Variants in OPA3 observed in about 807,000 individuals in gnomAD.
The protein encoded by OPA3 is optic atrophy 3 protein.
Under a neutral mutation model 4.0 loss-of-function variants are expected in OPA3, and 6 were observed. That is an observed-to-expected ratio of 1.51 (90% CI 0.83 to 2.99). The LOEUF is 2.99. OPA3 is among the 30% of genes most tolerant of loss of function. The probability of loss-of-function intolerance (pLI) is 0.00; values close to 1 mark genes in which losing one functional copy is unlikely to be tolerated. For missense variants in OPA3, 235 were observed against 256.2 expected, an observed-to-expected ratio of 0.92 and a Z score of 0.56; for synonymous variants, 105 against 117.1, an observed-to-expected ratio of 0.90 and a Z score of 0.67.
chr19:45,540,318 AAAAAAAT>A (rs57589531), intron 1 of OPA3, among the ~76,000 whole-genome samples: 21,462 of 150,030 alleles, frequency 0.14, 1,679 homozygotes, highest in African/African-American at 0.2. Context: ...CTCTGTCTCA[AAAAAAAT>A]AAAAAATAAA....
At chr19:45,530,833 C>T (rs111391770) in intron 1 of OPA3, among the ~76,000 whole-genome samples, 1,933 of 149,636 alleles carry the variant, frequency 0.013, 41 homozygotes, top group African/African-American at 0.046. Context: ...GTGATCTTGG[C>T]TCGCTGCAGC....
At position 45,550,883 on chromosome 19, in the gene OPA3, C is replaced by G; in HGVS notation, c.*2631G>C. 1 of 985,926 alleles carries G rather than the reference C, an allele frequency of 1.0e-6. No individual in the cohort carries two copies. The highest frequency in any genetic ancestry group is 1.2e-6 in the Non-Finnish European group (1 of 830,020). 61.1% of individuals were successfully genotyped at this position (985,926 alleles called of 1,614,324 possible). ...AGTGGCAGATCCTGGAAGAGAAACC[C>G]AGTAGAAAAGGGTGGTTCCTAGACT... On this transcript the variant is annotated 3_prime_UTR_variant, in exon 2 of 2. Transcript: ENST00000263275.
chr19:45,579,624 G>A (rs183607387), intron 1 of OPA3, among the ~76,000 whole-genome samples: 12 of 152,142 alleles, frequency 7.9e-5, no homozygotes, highest in Admixed American at 2.0e-4. Flanking sequence ...TAACATCTAC[G>A]TGACAGCCAT....
downstream of OPA3, among the ~76,000 whole-genome samples, chr19:45,544,593 G>A (rs916343129): frequency 3.3e-5 from 5 of 152,240 alleles, no homozygotes; most frequent in South Asian, 6.2e-4. Flanking sequence ...TCGGGAGTTC[G>A]AGACCAGCCT....
chr19:45,576,719 G>C (rs575142042), intron 1 of OPA3, among the ~76,000 whole-genome samples: 31 of 152,046 alleles, frequency 2.0e-4, no homozygotes, highest in Non-Finnish European at 4.4e-4. Context: ...AAGGCCAGCG[G>C]GGCAGCATCC....
At chr19:45,576,545 C>A (rs55819747) in intron 1 of OPA3, among the ~76,000 whole-genome samples, 23,651 of 145,606 alleles carry the variant, frequency 0.16, 2,330 homozygotes, top group Non-Finnish European at 0.22. Flanking sequence ...TCCCCCCCCC[C>A]CCAAAAAAAA....
rs755841329 is a variant in OPA3 at position 45,553,528 on chromosome 19, C to T, written c.526G>A (p.Ala176Thr). 18 of 1,613,208 alleles carry T rather than the reference C, an allele frequency of 1.1e-5. No homozygotes were observed. The highest frequency in any genetic ancestry group is 5.3e-5 in the African/African-American group (4 of 74,950). Residue 176 changes from alanine (A) to threonine (T), a missense_variant, in exon 2 of 2, where the codon GCG (alanine) becomes ACG (threonine). Transcript: ENST00000263275. ...CCAGCAAGCTCCTATTTCTTGGACGCAGGCACTGCGTGGGAAGCGGACCGG... is the reference window on the plus strand; with the variant it reads ...CCAGCAAGCTCCTATTTCTTGGACGTAGGCACTGCGTGGGAAGCGGACCGG... ...PGRSASHAVP[A>T]SKK
rs1032414263 is a variant in OPA3, at chr19:45,553,042, G to C, written c.*472C>G. 3.6e-5 allele frequency: 37 copies of C among 1,025,530 alleles called. No homozygotes were observed. The highest frequency in any genetic ancestry group is 4.2e-5 in the Non-Finnish European group (36 of 854,270). 63.5% of individuals were successfully genotyped at this position (1,025,530 alleles called of 1,614,324 possible). A position where few individuals can be genotyped will look rare whatever the true frequency, so the allele number is the denominator to read the frequency against. On this transcript the variant is annotated 3_prime_UTR_variant, in exon 2 of 2. Transcript: ENST00000263275. The stretch of plus-strand genomic sequence containing the variant: ...TAGAGCTGACCTTAGAAGGTGAGGG[G>C]GAGAAAAGGCCACTGCAACACACTG...
At chr19:45,572,709 ATC>A (rs1969701695) in intron 1 of OPA3, among the ~76,000 whole-genome samples, 2 of 141,212 alleles carry the variant, frequency 1.4e-5, no homozygotes, top group Admixed American at 1.5e-4. Context: ...TATATGATAT[ATC>A]TCAATATATA....
At chr19:45,580,655 G>A (rs1236538340) in intron 1 of OPA3, among the ~76,000 whole-genome samples, 1 of 149,660 alleles carries the variant, frequency 6.7e-6, no homozygotes, top group Non-Finnish European at 1.5e-5. Flanking sequence ...GTCTCGCTCT[G>A]TCGCCCAAGC....
chr19:45,583,992 TG>T (rs926325105), intron 1 of OPA3, among the ~76,000 whole-genome samples: 88 of 152,334 alleles, frequency 5.8e-4, no homozygotes, highest in African/African-American at 1.7e-3. Flanking sequence ...GTCAACCGAA[TG>T]AAAGGACGGC....
At chr19:45,540,798 G>A (rs1331950499) in intron 1 of OPA3, among the ~76,000 whole-genome samples, 3 of 127,084 alleles carry the variant, frequency 2.4e-5, no homozygotes, top group Admixed American at 7.9e-5. Flanking sequence ...GAGAGACTCC[G>A]TCTCAAAAAA....
At chr19:45,571,474 A>C (rs545442582) in intron 1 of OPA3, among the ~76,000 whole-genome samples, 12 of 152,254 alleles carry the variant, frequency 7.9e-5, no homozygotes, top group African/African-American at 2.9e-4. Context: ...ACATATGTGT[A>C]CACACGTGCA....
At chr19:45,565,367 C>T (rs1314760214) in intron 1 of OPA3, among the ~76,000 whole-genome samples, 2 of 152,082 alleles carry the variant, frequency 1.3e-5, no homozygotes, top group Admixed American at 6.6e-5. Context: ...TGGTGGCTCA[C>T]GCCTGTAATC....
rs1021505529 is a variant in OPA3, at chr19:45,550,332, A to T, written c.*3182T>A. 13 of 985,494 alleles carry T rather than the reference A, an allele frequency of 1.3e-5. No individual in the cohort carries two copies. The highest frequency in any genetic ancestry group is 1.6e-5 in the Non-Finnish European group (13 of 830,004). The allele number at this position is 985,494 out of a possible 1,614,324, so 61.0% of individuals were successfully genotyped here. A position where few individuals can be genotyped will look rare whatever the true frequency, so the allele number is the denominator to read the frequency against. On this transcript the variant is annotated 3_prime_UTR_variant, in exon 2 of 2. Coordinates refer to ENST00000263275, the MANE Select transcript of OPA3 (RefSeq NM_025136.4). ...CTCCCACTTTCACCTGCAGCTTCCC[A>T]AAAGCGGGCCCAGGTGGAATGGTCA...
chr19:45,580,001 CTTTTTTTTTTTT>C (rs57357578), intron 1 of OPA3, among the ~76,000 whole-genome samples: 2 of 114,886 alleles, frequency 1.7e-5, no homozygotes, highest in Non-Finnish European at 3.4e-5. Flanking sequence ...TTTTTTTTTT[CTTTTTTTTTTTT>C]TGATATGGAG....
chr19:45,580,724 T>C (rs1969842797), intron 1 of OPA3, among the ~76,000 whole-genome samples: 1 of 151,652 alleles, frequency 6.6e-6, no homozygotes, highest in African/African-American at 2.4e-5. Flanking sequence ...GTTCAAGCAA[T>C]TCTCCTGCCT....
At chr19:45,538,325 G>T (rs373244371) in intron 1 of OPA3, among the ~76,000 whole-genome samples, 1 of 152,202 alleles carries the variant, frequency 6.6e-6, no homozygotes. Context: ...GGAGGCTGAG[G>T]GGGGAGGATT....
At chr19:45,565,228 G>A (rs550413297) in intron 1 of OPA3, among the ~76,000 whole-genome samples, 18 of 152,016 alleles carry the variant, frequency 1.2e-4, no homozygotes, top group South Asian at 4.2e-4. Context: ...GCAAGACTCC[G>A]TCTCAAAAAA....
Sources: gnomAD v4.1 joint callset for allele counts (sites outside exome capture counted in the v4.1 genomes callset) on GRCh38, gnomAD v4.1.1 for gene constraint, MANE v1.5 for transcripts, NCBI Gene and HGNC (gene_info 2026-07-23, HGNC 2026-07-21) for gene names.